Variants in FKBP15 observed in about 807,000 individuals in gnomAD.
The protein encoded by FKBP15 is FK506-binding protein 15.
In FKBP15, 106 loss-of-function variants were observed where a neutral mutation model predicts 158.1. The observed-to-expected ratio is 0.67, with a 90% CI of 0.57 to 0.79. The LOEUF (loss-of-function observed/expected upper bound fraction) is 0.79. FKBP15 is among the 30% of genes least tolerant of loss of function. The pLI, the probability that FKBP15 is intolerant of heterozygous loss-of-function variation, is 0.00. For missense variants in FKBP15, 1,287 were observed against 1,479.1 expected (o/e 0.87, Z 2.13); for synonymous variants, 547 against 548.6 (o/e 1.00, Z 0.04).
intron 1 of FKBP15, among the ~76,000 whole-genome samples, chr9:113,213,952 G>C (rs78546802): frequency 6.6e-6 from 1 of 151,708 alleles, no homozygotes; most frequent in Non-Finnish European, 1.5e-5. Flanking sequence ...TTTTTTTTTA[G>C]AGACAGGGTC....
In FKBP15 at chr9:113,169,328, A is replaced by G. The variant is rs756882821; in HGVS notation, c.3381T>C (p.Asp1127=). ...EPQPPQLKKD[D]VTSSTGPHKE... ...TGTGGGGACCGGTGGAGCTAGTGACATCATCTTTCTTGAGCTGTGGAGGCT... is the reference window on the plus strand; with the variant it reads ...TGTGGGGACCGGTGGAGCTAGTGACGTCATCTTTCTTGAGCTGTGGAGGCT... The change falls in exon 26 of 28, where the codon GAT becomes GAC. Residue 1127 remains aspartate, a synonymous_variant. Coordinates refer to ENST00000238256, the MANE Select transcript of FKBP15 (RefSeq NM_015258.2). 10 of 1,613,904 alleles carry G rather than the reference A, an allele frequency of 6.2e-6. No individual in the cohort carries two copies. In the East Asian group the frequency reaches 1.8e-4, roughly 29 times the overall value.
chr9:113,177,796 A>G (rs1830326031), intron 20 of FKBP15, among the ~76,000 whole-genome samples: 1 of 152,152 alleles, frequency 6.6e-6, no homozygotes, highest in Non-Finnish European at 1.5e-5. Context: ...TCTGCCTTCC[A>G]TATTTGTTTC....
At chr9:113,218,996 A>G (rs1296161392) in intron 1 of FKBP15, among the ~76,000 whole-genome samples, 1 of 152,208 alleles carries the variant, frequency 6.6e-6, no homozygotes, top group Non-Finnish European at 1.5e-5. Flanking sequence ...CTTTGTGATT[A>G]TTATTCCTGG....
Position 113,176,660 on chromosome 9 carries a change from G to C in FKBP15, c.2100C>G (p.Thr700=). 3 of 1,609,070 alleles carry C rather than the reference G, an allele frequency of 1.9e-6. No individual in the cohort carries two copies. The highest frequency in any genetic ancestry group is 1.7e-6 in the Non-Finnish European group (2 of 1,177,212). The change falls in exon 21 of 28, where the codon ACC becomes ACG. Residue 700 remains threonine, a synonymous_variant. Transcript: ENST00000238256. The stretch of plus-strand genomic sequence containing the variant: ...TGAATTTGGACTGTGCTTGCTCAGA[G>C]GTTTCTTGGAGCTCTGGGATACAGG... ...VQAKLSELQE[T]SEQAQSKFKS...
At chr9:113,220,887 T>A (rs1028109029) in intron 1 of FKBP15, among the ~76,000 whole-genome samples, 2 of 152,110 alleles carry the variant, frequency 1.3e-5, no homozygotes, top group South Asian at 2.1e-4. Context: ...CTATAAAAAT[T>A]CTGAGGCAGG....
At chr9:113,213,157 C>G (rs1184670984) in intron 1 of FKBP15, among the ~76,000 whole-genome samples, 1 of 152,096 alleles carries the variant, frequency 6.6e-6, no homozygotes, top group Non-Finnish European at 1.5e-5. Flanking sequence ...ACCCGTAATC[C>G]CAGCATTTTG....
At chr9:113,199,377 C>A (rs1830744430) in intron 7 of FKBP15, among the ~76,000 whole-genome samples, 1 of 152,098 alleles carries the variant, frequency 6.6e-6, no homozygotes. Flanking sequence ...AAAGGTCTTT[C>A]TCTCATATAA....
chr9:113,210,857 T>TCGAA (rs1478836173), intron 2 of FKBP15, among the ~76,000 whole-genome samples: 2 of 152,220 alleles, frequency 1.3e-5, no homozygotes, highest in Non-Finnish European at 2.9e-5. Context: ...CTTTCTGCCG[T>TCGAA]CGAACATCAG....
intron 19 of FKBP15, among the ~76,000 whole-genome samples, chr9:113,182,003 G>T (rs1402411051): frequency 6.6e-6 from 1 of 152,180 alleles, no homozygotes; most frequent in African/African-American, 2.4e-5. Context: ...CTGGATTCTA[G>T]GGCTAAGAGA....
intron 27 of FKBP15, among the ~76,000 whole-genome samples, 162 bp downstream of exon 27, chr9:113,168,298 G>C (rs1478409541): frequency 6.6e-6 from 1 of 152,132 alleles, no homozygotes; most frequent in African/African-American, 2.4e-5. Flanking sequence ...TGCTTACAGA[G>C]CTGCGCCCTC....
intron 18 of FKBP15, among the ~76,000 whole-genome samples, chr9:113,183,072 C>T (rs1830428332): frequency 1.3e-5 from 2 of 151,854 alleles, no homozygotes; most frequent in South Asian, 4.1e-4. Context: ...CAGCAGTGAA[C>T]TACCCTGAAT....
chr9:113,204,623 T>A (rs934681682), intron 4 of FKBP15, among the ~76,000 whole-genome samples: 1 of 152,236 alleles, frequency 6.6e-6, no homozygotes, highest in Non-Finnish European at 1.5e-5. Context: ...CGTTAGACCA[T>A]GTCCCACATC....
Position 113,182,888 on chromosome 9 carries a change from A to C in FKBP15, c.1812-20T>G. 1 of 1,599,526 alleles carries C rather than the reference A, an allele frequency of 6.3e-7. No individual in the cohort carries two copies. The highest frequency in any genetic ancestry group is 1.1e-5 in the South Asian group (1 of 90,794). ...ACATACCTGTGAAAGAAATAGAGAA[A>C]AAGAAAACATTTATCAAGCACTGAG... On this transcript the variant is annotated intron_variant, in intron 18 of 27. Coordinates refer to ENST00000238256, the MANE Select transcript of FKBP15 (RefSeq NM_015258.2).
Position 113,173,470 on chromosome 9 carries a change from C to G in FKBP15, c.2515G>C (p.Val839Leu). ...AQRDAYQQKL[V>L]QLQEKCLALQ... ...ATATGTACCTTTTCCTGAAGTTGTA[C>G]CAGCTTCTGCTGGTAGGCATCTCTC... The change falls in exon 23 of 28, where the codon GTA becomes CTA. Residue 839 changes from valine to leucine, a missense_variant. Val to Leu is a conservative substitution (Grantham distance 32). Coordinates refer to ENST00000238256, the MANE Select transcript of FKBP15 (RefSeq NM_015258.2). 6.2e-7 allele frequency: 1 copy of G among 1,613,324 alleles called. No individual in the cohort carries two copies. Among genetic ancestry groups the G allele is most frequent in the Non-Finnish European group, 8.5e-7 (1 of 1,179,312 alleles).
chr9:113,172,660 T>C (rs1830234912), intron 23 of FKBP15, among the ~76,000 whole-genome samples: 1 of 152,198 alleles, frequency 6.6e-6, no homozygotes, highest in African/African-American at 2.4e-5. Context: ...GTTGCTTGCC[T>C]TGTTCCCAAT....
chr9:113,172,573 G>A (rs368712811), intron 23 of FKBP15, among the ~76,000 whole-genome samples: 1 of 152,040 alleles, frequency 6.6e-6, no homozygotes, highest in African/African-American at 2.4e-5. Flanking sequence ...CCCCACCCAC[G>A]ACCCTCTGCC....
At chr9:113,187,971 C>T in intron 13 of FKBP15, 72 bp from the exon 14 acceptor site, 1 of 1,061,600 alleles carries the variant, frequency 9.4e-7, no homozygotes, top group South Asian at 1.3e-5. Context: ...TAGCACCTTA[C>T]ATACTATCAT....
At chr9:113,218,938 C>G (rs1047906345) in intron 1 of FKBP15, among the ~76,000 whole-genome samples, 6 of 152,178 alleles carry the variant, frequency 3.9e-5, no homozygotes, top group Non-Finnish European at 8.8e-5. Context: ...CCTACACATA[C>G]CTTTATAATC....
intron 9 of FKBP15, among the ~76,000 whole-genome samples, chr9:113,196,679 G>A (rs566610806): frequency 7.2e-5 from 11 of 152,158 alleles, no homozygotes; most frequent in Admixed American, 2.6e-4. Context: ...CACTGCGCCC[G>A]GCCGAAGATG....
Sources: gnomAD v4.1 joint callset for allele counts (sites outside exome capture counted in the v4.1 genomes callset) on GRCh38, gnomAD v4.1.1 for gene constraint, MANE v1.5 for transcripts, NCBI Gene and HGNC (gene_info 2026-07-23, HGNC 2026-07-21) for gene names.